The following HTR2C variants were observed in gnomAD, a reference collection of about 807,000 sequenced individuals.
HTR2C encodes 5-hydroxytryptamine (serotonin) receptor 2C, G protein-coupled.
A neutral mutation model predicts 21.0 loss-of-function variants in HTR2C; 5 were observed. That is an observed-to-expected ratio of 0.24 (90% CI 0.12 to 0.50). HTR2C has a LOEUF of 0.50. HTR2C is among the 20% of genes least tolerant of loss of function. The pLI is 0.98. For synonymous variants in HTR2C, 150 were observed against 145.3 expected (o/e 1.03, Z -0.23); for missense variants, 271 against 371.2 (o/e 0.73, Z 2.22).
intron 4 of HTR2C, chrX:114,823,311 G>A: frequency 3.3e-6 from 1 of 303,555 alleles, no homozygotes; most frequent in Non-Finnish European, 6.4e-6. Flanking sequence ...TAGGCTACTT[G>A]TAATCACAAC....
chrX:114,830,657 T>C (rs782585431), intron 4 of HTR2C, among the ~76,000 whole-genome samples: 42 of 39,521 alleles, frequency 1.1e-3, no homozygotes, highest in African/African-American at 3.6e-3. Context: ...GTTAAAGAGA[T>C]AAACTTTATT....
chrX:114,616,104 A>G (rs782542318), intron 2 of HTR2C, among the ~76,000 whole-genome samples: 2 of 111,079 alleles, frequency 1.8e-5, no homozygotes, highest in African/African-American at 6.5e-5. Flanking sequence ...AGAAGGTTGG[A>G]GCTTGATTAT....
chrX:114,729,261 A>C (rs189159100), intron 3 of HTR2C, among the ~76,000 whole-genome samples: 4 of 112,181 alleles, frequency 3.6e-5, no homozygotes, highest in Non-Finnish European at 7.5e-5. Flanking sequence ...TTGTTTAACT[A>C]CAAAGCAGAC....
At chrX:114,796,783 C>T (rs2070297850) in intron 4 of HTR2C, among the ~76,000 whole-genome samples, 1 of 111,337 alleles carries the variant, frequency 9.0e-6, no homozygotes, top group Admixed American at 9.6e-5. Flanking sequence ...CCTTCTGTGC[C>T]TCACTTTCCA....
intron 2 of HTR2C, among the ~76,000 whole-genome samples, chrX:114,718,323 T>A (rs1317950465): frequency 8.9e-6 from 1 of 112,599 alleles, no homozygotes; most frequent in African/African-American, 3.2e-5. Context: ...GTGATACGGA[T>A]TCTGATAGTT....
intron 2 of HTR2C, among the ~76,000 whole-genome samples, chrX:114,627,175 G>C (rs782022143): frequency 5.4e-5 from 6 of 111,422 alleles, no homozygotes; most frequent in Non-Finnish European, 1.1e-4. Context: ...CACAAGGAAA[G>C]AATGTTGTTC....
At chrX:114,706,927 A>T (rs372765416) in intron 2 of HTR2C, among the ~76,000 whole-genome samples, 24 of 111,093 alleles carry the variant, frequency 2.2e-4, no homozygotes, top group East Asian at 1.1e-3. Context: ...TAAAGTGAAA[A>T]TACTACATGG....
intron 2 of HTR2C, among the ~76,000 whole-genome samples, chrX:114,705,585 G>T (rs1289706541): frequency 1.9e-5 from 2 of 107,059 alleles, no homozygotes; most frequent in African/African-American, 6.8e-5. Context: ...TTAAAGGTTA[G>T]ACCTAAAACC....
At chrX:114,876,863 A>G (rs868960524) in intron 5 of HTR2C, among the ~76,000 whole-genome samples, 3 of 99,094 alleles carry the variant, frequency 3.0e-5, no homozygotes, top group South Asian at 4.4e-4. Context: ...TTTGTTTGAG[A>G]TTTTTGCACC....
chrX:114,602,035 A>G (rs1211335298), intron 1 of HTR2C, among the ~76,000 whole-genome samples: 1 of 100,056 alleles, frequency 1.0e-5, no homozygotes, highest in Non-Finnish European at 2.0e-5. Flanking sequence ...AAAAACAGGT[A>G]TAAAAGGTCT....
At chrX:114,638,457 A>G (rs1173112568) in intron 2 of HTR2C, among the ~76,000 whole-genome samples, 1 of 108,938 alleles carries the variant, frequency 9.2e-6, no homozygotes, top group Non-Finnish European at 1.9e-5. Flanking sequence ...AAACCTTCTT[A>G]AAGTGATAAT....
chrX:114,818,714 AT>A (rs1342046325), intron 4 of HTR2C, among the ~76,000 whole-genome samples: 3 of 111,593 alleles, frequency 2.7e-5, no homozygotes, highest in African/African-American at 9.8e-5. Context: ...GCATACTAGA[AT>A]AAAACCACAT....
At chrX:114,785,224 G>A (rs1481194586) in intron 4 of HTR2C, among the ~76,000 whole-genome samples, 2 of 111,338 alleles carry the variant, frequency 1.8e-5, no homozygotes, top group African/African-American at 6.5e-5. Context: ...AACCAAAAAT[G>A]TCCAATCTTA....
intron 1 of HTR2C, among the ~76,000 whole-genome samples, chrX:114,600,907 C>T (rs782580057): frequency 4.5e-5 from 5 of 111,514 alleles, no homozygotes; most frequent in Admixed American, 9.5e-5. Flanking sequence ...AACTTCAGAT[C>T]GACAATATAT....
At chrX:114,703,340 C>G (rs781958583) in intron 2 of HTR2C, among the ~76,000 whole-genome samples, 21 of 109,988 alleles carry the variant, frequency 1.9e-4, no homozygotes, top group Non-Finnish European at 9.5e-5. Flanking sequence ...TGTAAAAGAA[C>G]AGAAATTATA....
intron 4 of HTR2C, among the ~76,000 whole-genome samples, chrX:114,791,168 A>G (rs1354400454): frequency 8.9e-6 from 1 of 112,917 alleles, no homozygotes. Context: ...CTTACATAAT[A>G]CATAATAATA....
chrX:114,639,370 CAGA>C (rs1214031465), intron 2 of HTR2C: 2 of 112,828 alleles, frequency 1.8e-5, no homozygotes, highest in African/African-American at 6.5e-5. Flanking sequence ...TGGCCTTTTT[CAGA>C]AGGTTATACT....
intron 5 of HTR2C, among the ~76,000 whole-genome samples, chrX:114,880,053 A>C (rs1441643144): frequency 9.0e-6 from 1 of 110,614 alleles, no homozygotes; most frequent in Non-Finnish European, 1.9e-5. Flanking sequence ...TTTGTATTGT[A>C]ATATAATTCA....
intron 4 of HTR2C, among the ~76,000 whole-genome samples, chrX:114,742,017 T>C (rs988209461): frequency 9.1e-6 from 1 of 110,388 alleles, no homozygotes; most frequent in African/African-American, 3.3e-5. Flanking sequence ...ACAAAAGGAG[T>C]CTCTATGGTC....
Sources: gnomAD v4.1 joint callset for allele counts (sites outside exome capture counted in the v4.1 genomes callset) on GRCh38, gnomAD v4.1.1 for gene constraint, MANE v1.5 for transcripts, NCBI Gene and HGNC (gene_info 2026-07-23, HGNC 2026-07-21) for gene names.